VMA22: variants seen among roughly 807,000 people sequenced by gnomAD.
VMA22 encodes the protein vacuolar ATPase assembly factor VMA22.
the VMA22 span, chr2:130,340,918 G>C: frequency 1.9e-6 from 3 of 1,614,118 alleles, no homozygotes; most frequent in South Asian, 2.2e-5. Context: ...CATCCCGGAA[G>C]CTTGCTTGAG....
At chr2:130,338,340 A>G in the VMA22 span, 2 of 152,246 alleles carry the variant, frequency 1.3e-5, no homozygotes, top group African/African-American at 2.4e-5. Flanking sequence ...AAGTCAAAAA[A>G]AATAAGCAAA....
the VMA22 span, chr2:130,338,911 T>G: frequency 1.8e-6 from 1 of 560,596 alleles, no homozygotes; most frequent in African/African-American, 1.9e-5. Context: ...GGCCTTAGAA[T>G]GGTTTCAAAG....
At chr2:130,342,271 G>A in the VMA22 span, 1 of 1,493,152 alleles carries the variant, frequency 6.7e-7, no homozygotes, top group East Asian at 2.5e-5. Flanking sequence ...CTCTGGGTCA[G>A]CTTCTTTAAG....
At chr2:130,342,340 G>A in the VMA22 span, 3 of 823,594 alleles carry the variant, frequency 3.6e-6, no homozygotes, top group South Asian at 5.3e-5. Context: ...TCTCCAATTA[G>A]CCCCCAAGTG....
At chr2:130,341,678 G>A in the VMA22 span, 3 of 1,610,876 alleles carry the variant, frequency 1.9e-6, no homozygotes, top group Non-Finnish European at 2.5e-6. Flanking sequence ...TGCTTCGCGA[G>A]GCCCCACCTC....
chr2:130,342,169 TC>T, the VMA22 span: 1 of 1,605,138 alleles, frequency 6.2e-7, no homozygotes, highest in Non-Finnish European at 8.5e-7. Flanking sequence ...CTTGTCACCC[TC>T]CGCAGTTTGG....
At chr2:130,339,835 T>A in the VMA22 span, 1 of 1,278,530 alleles carries the variant, frequency 7.8e-7, no homozygotes, top group Non-Finnish European at 1.0e-6. Context: ...CCGTCCATAC[T>A]CCCCAGGCCC....
the VMA22 span, chr2:130,339,912 C>T: frequency 9.6e-7 from 1 of 1,043,220 alleles, no homozygotes; most frequent in Non-Finnish European, 1.3e-6. Context: ...AATTTAAACA[C>T]CAGTGCTATG....
the VMA22 span, chr2:130,341,517 T>C: frequency 1.5e-6 from 1 of 649,004 alleles, no homozygotes; most frequent in Non-Finnish European, 2.7e-6. Context: ...CCTATAAAAG[T>C]CTAAGGCAAA....
At chr2:130,342,183 G>A in the VMA22 span, 2 of 1,593,698 alleles carry the variant, frequency 1.3e-6, no homozygotes, top group Non-Finnish European at 1.7e-6. Context: ...CAGTTTGGCA[G>A]GACAGCCAAT....
At chr2:130,341,801 G>GGGGCCCCC in the VMA22 span, 2 of 1,378,122 alleles carry the variant, frequency 1.5e-6, no homozygotes, top group Non-Finnish European at 2.0e-6. Context: ...CCTAGAACGC[G>GGGGCCCCC]CCCGCCCGCC....
At chr2:130,342,374 T>C in the VMA22 span, 4 of 652,436 alleles carry the variant, frequency 6.1e-6, no homozygotes, top group Non-Finnish European at 7.8e-6. Context: ...AACTGTCGGC[T>C]AGGGTTATAG....
the VMA22 span, chr2:130,340,731 C>A: frequency 7.3e-6 from 5 of 683,068 alleles, no homozygotes; most frequent in Non-Finnish European, 1.3e-5. Context: ...AACCCGAATG[C>A]TGCCAACAAC....
the VMA22 span, chr2:130,342,376 G>A: frequency 1.5e-6 from 1 of 653,652 alleles, no homozygotes; most frequent in East Asian, 2.7e-5. Context: ...CTGTCGGCTA[G>A]GGTTATAGGT....
At chr2:130,342,284 C>A in the VMA22 span, 1,701 of 1,429,878 alleles carry the variant, frequency 1.2e-3, 14 homozygotes, top group African/African-American at 0.02. Flanking sequence ...TCTTTAAGGG[C>A]AAGCGCCCTT....
chr2:130,342,100 T>A, the VMA22 span: 9 of 1,613,556 alleles, frequency 5.6e-6, no homozygotes, highest in South Asian at 9.9e-5. Flanking sequence ...CGAATCCAGC[T>A]CCGCTCGCAG....
chr2:130,338,977 G>T, the VMA22 span: 1 of 629,232 alleles, frequency 1.6e-6, no homozygotes, highest in Admixed American at 2.8e-5. Context: ...AAGGAAAATG[G>T]AAACATGCAG....
chr2:130,339,077 C>T, the VMA22 span: 13 of 1,467,728 alleles, frequency 8.9e-6, no homozygotes, highest in East Asian at 2.3e-5. Flanking sequence ...GTAGCCATGT[C>T]GGAGAACAGC....
At chr2:130,340,996 CTCCGGTT>C in the VMA22 span, 1 of 1,612,960 alleles carries the variant, frequency 6.2e-7, no homozygotes, top group African/African-American at 1.3e-5. Flanking sequence ...CCTCAGAGGA[CTCCGGTT>C]CTGGGGTCTT....
Sources: gnomAD v4.1 joint callset for allele counts on GRCh38, gnomAD v4.1.1 for gene constraint, MANE v1.5 for transcripts, NCBI Gene and HGNC (gene_info 2026-07-23, HGNC 2026-07-21) for gene names.